The following NKPD1 variants were observed in gnomAD, a reference collection of about 807,000 sequenced individuals.
The protein encoded by NKPD1 is NTPase KAP family P-loop domain-containing protein 1.
Under a neutral mutation model 42.2 loss-of-function variants are expected in NKPD1, and 37 were observed. The observed-to-expected ratio is 0.88, with a 90% CI of 0.67 to 1.15. NKPD1 has a LOEUF of 1.15. Ranked by LOEUF, NKPD1 falls within the 50% of genes most tolerant of loss-of-function variation. NKPD1 has a pLI of 0.00. For missense variants in NKPD1, 1,113 were observed against 1,174.6 expected (o/e 0.95, Z 0.77); for synonymous variants, 552 against 536.5 (o/e 1.03, Z -0.40).
chr19:45,154,562 A>T (rs1225278408), intron 4 of NKPD1, among the ~76,000 whole-genome samples: 1 of 152,194 alleles, frequency 6.6e-6, no homozygotes, highest in East Asian at 1.9e-4. Context: ...GGACCCTGTG[A>T]CAACACAGGA....
upstream of NKPD1, among the ~76,000 whole-genome samples, chr19:45,161,900 A>G (rs943378279): frequency 1.3e-4 from 20 of 152,116 alleles, no homozygotes; most frequent in Non-Finnish European, 2.2e-4. Context: ...GACAAGATAA[A>G]GGGAACCCAC....
Position 45,152,580 on chromosome 19 carries a change from C to G in NKPD1, c.1857G>C (p.Val619=), listed in dbSNP as rs764912975. 3.2e-6 allele frequency: 5 copies of G among 1,586,236 alleles called. No individual in the cohort carries two copies. In the South Asian group the frequency reaches 5.6e-5, roughly 18 times the overall value. The change falls in exon 5 of 5, where the codon GTG becomes GTC. Residue 619 remains valine, a synonymous_variant. Coordinates refer to ENST00000686631, the MANE Select transcript of NKPD1 (RefSeq NM_198478.4). ...TGTTGACGATGCGCCGCATGGACAC[C>G]ACGTTGTCGGGCACGTACTCGTAGA... is the stretch of plus-strand genomic sequence containing the variant. The part of the protein sequence containing the change: ...DCLYEYVPDN[V]VSMRRIVNTV...
At chr19:45,156,596 C>T (rs919457997) in intron 3 of NKPD1, among the ~76,000 whole-genome samples, 27 of 152,208 alleles carry the variant, frequency 1.8e-4, no homozygotes, top group African/African-American at 6.0e-4. Flanking sequence ...TGGCCAGCGC[C>T]GGGCCCTTGG....
In NKPD1 at chr19:45,153,148, A is replaced by C; in HGVS notation, c.1289T>G (p.Val430Gly). 1.9e-6 allele frequency: 3 copies of C among 1,577,716 alleles called. No homozygotes were observed. The highest frequency in any genetic ancestry group is 2.6e-6 in the Non-Finnish European group (3 of 1,162,698). Reference sequence around the variant, plus strand: ...GGTGAGCAGCTCCACCTCCTTCTTCACCTCGCACATGAAACCCAGCTGGCT... The same window carrying C: ...GGTGAGCAGCTCCACCTCCTTCTTCCCCTCGCACATGAAACCCAGCTGGCT... ...FGSQLGFMCEVKKEVELLTDF... is the reference protein window; with the variant it reads ...FGSQLGFMCEGKKEVELLTDF... The change falls in exon 5 of 5, where the codon GTG becomes GGG. Residue 430 changes from valine (V) to glycine (G), a missense_variant. Transcript: ENST00000686631.
chr19:45,154,912 CT>C (rs1282645624), intron 4 of NKPD1, among the ~76,000 whole-genome samples: 1 of 151,616 alleles, frequency 6.6e-6, no homozygotes, highest in Non-Finnish European at 1.5e-5. Context: ...GTAGTCCCAG[CT>C]ACTTGGGAGG....
At position 45,158,799 on chromosome 19, in the gene NKPD1, G is replaced by A; in HGVS notation, c.393C>T (p.Thr131=). 7.9e-7 allele frequency: 1 copy of A among 1,260,568 alleles called. No individual in the cohort carries two copies. The highest frequency in any genetic ancestry group is 1.0e-6 in the Non-Finnish European group (1 of 969,224). 78.1% of individuals were successfully genotyped at this position (1,260,568 alleles called of 1,614,324 possible). A position where few individuals can be genotyped will look rare whatever the true frequency, so the allele number is the denominator to read the frequency against. ...ASAPQAPTLP[T]TAPAMARSGP... is the part of the protein sequence containing the mutation. The stretch of plus-strand genomic sequence containing the variant: ...CACTCCTGGCCATGGCTGGTGCCGT[G>A]GTGGGTAAGGTGGGCGCCTGAGGGG... The change falls in exon 3 of 5, where the codon ACC becomes ACT. Residue 131 remains threonine (T), a synonymous_variant. Transcript: ENST00000686631. This position sits in a 1 kb window ranked among gnomAD's most constrained non-coding sequence, Gnocchi z 4.6.
chr19:45,161,797 G>A (rs540650248), upstream of NKPD1, among the ~76,000 whole-genome samples: 3 of 152,246 alleles, frequency 2.0e-5, no homozygotes, highest in African/African-American at 4.8e-5. Flanking sequence ...CCGGCTCCCT[G>A]TGGCTGCTGG....
chr19:45,151,976 G>C lies in NKPD1; in HGVS notation c.2461C>G (p.Leu821Val). ...RGKLWPVACA[L>V]FRPGQSSPGG... ...GGGCTGGATTGCCCTGGACGGAAGAGCGCACAGGCCACCGGCCATAGCTTG... is the reference window on the plus strand; with the variant it reads ...GGGCTGGATTGCCCTGGACGGAAGACCGCACAGGCCACCGGCCATAGCTTG... The change falls in exon 5 of 5, where the codon CTC (leucine) becomes GTC (valine). Residue 821 changes from leucine (L) to valine (V), a missense_variant. By Grantham distance (32) the Leu-to-Val change is conservative (BLOSUM62 1). Coordinates refer to ENST00000686631, the MANE Select transcript of NKPD1 (RefSeq NM_198478.4). 6.3e-7 allele frequency: 1 copy of C among 1,599,896 alleles called. No homozygotes were observed.
chr19:45,159,947 T>C (rs990022556), intron 2 of NKPD1, 113 bp downstream of exon 2: 3 of 472,164 alleles, frequency 6.4e-6, no homozygotes, highest in African/African-American at 4.2e-5. Flanking sequence ...CTGGGTGGAG[T>C]GCAAGTGGCT....
In NKPD1 at chr19:45,153,072, C is replaced by A; in HGVS notation, c.1365G>T (p.Val455=). 1 of 1,578,872 alleles carries A rather than the reference C, an allele frequency of 6.3e-7. No homozygotes were observed. The highest frequency in any genetic ancestry group is 1.8e-5 in the Admixed American group (1 of 54,952). ...ACGTGTCCAGCCCGGTGACCTCCAG[C>A]ACCACGCGCAGCCTGCGCCGCTGGT... ...EIYQRRRLRV[V]LEVTGLDTCY... The change falls in exon 5 of 5, where the codon GTG becomes GTT. Residue 455 remains valine (V), a synonymous_variant. Coordinates refer to ENST00000686631, the MANE Select transcript of NKPD1 (RefSeq NM_198478.4).
Position 45,152,845 on chromosome 19 carries a change from A to G in NKPD1, c.1592T>C (p.Ile531Thr). The part of the protein sequence containing the change: ...RTVTLPFSVP[I>T]MGRRTKLQFL... ...CTGCAGCTTGGTGCGGCGGCCCATA[A>G]TGGGCACAGAGAAGGGCAGCGTGAC... The change falls in exon 5 of 5, where the codon ATT becomes ACT. Residue 531 changes from isoleucine to threonine, a missense_variant. Transcript: ENST00000686631. 6.3e-7 allele frequency: 1 copy of G among 1,593,990 alleles called. No homozygotes were observed. Among genetic ancestry groups the G allele is most frequent in the Non-Finnish European group, 8.6e-7 (1 of 1,167,644 alleles).
chr19:45,152,195 G>T lies in NKPD1; in HGVS notation c.2242C>A (p.His748Asn). ...SLLRCTVNLD[H>N]SIRRRMGLIR... ...AGACCCATGCGCCGGCGGATGGAGTGGTCCAGGTTGACCGTGCAGCGCAGC... is the reference window on the plus strand; with the variant it reads ...AGACCCATGCGCCGGCGGATGGAGTTGTCCAGGTTGACCGTGCAGCGCAGC... The change falls in exon 5 of 5, where the codon CAC becomes AAC. Residue 748 changes from histidine (H) to asparagine (N), a missense_variant. Physicochemically the swap from His to Asn is moderately conservative, Grantham distance 68 (BLOSUM62 1). This residue lies in a region of NKPD1 where 867 missense variants were observed against 870.1 expected (regional missense o/e 1.00). Coordinates refer to ENST00000686631, the MANE Select transcript of NKPD1 (RefSeq NM_198478.4). 1 of 1,596,720 alleles carries T rather than the reference G, an allele frequency of 6.3e-7. No homozygotes were observed. The highest frequency in any genetic ancestry group is 8.5e-7 in the Non-Finnish European group (1 of 1,173,228).
Position 45,152,269 on chromosome 19 carries a change from C to A in NKPD1, c.2168G>T (p.Arg723Leu). ...GAAGGGGAAGTCGGCGCCCAGGAAG[C>A]GCTCGAAGAGCTCGGGGTCGCCGTC... is the stretch of plus-strand genomic sequence containing the variant. ...DLDGDPELFERFLGADFPFTV... is the reference protein window; with the variant it reads ...DLDGDPELFELFLGADFPFTV... Residue 723 changes from arginine to leucine, a missense_variant, in exon 5 of 5, where the codon CGC becomes CTC. Coordinates refer to ENST00000686631, the MANE Select transcript of NKPD1 (RefSeq NM_198478.4). The A allele has an allele frequency of 8.1e-6, 13 of 1,609,828 alleles. No homozygotes were observed. The highest frequency in any genetic ancestry group is 1.1e-5 in the Non-Finnish European group (13 of 1,178,682).
At chr19:45,161,166 C>T (rs557034337), upstream of NKPD1, among the ~76,000 whole-genome samples, 4 of 152,314 alleles carry the variant, frequency 2.6e-5, no homozygotes, top group East Asian at 7.7e-4. Context: ...GGAGATGCAT[C>T]CCGCAGCACT....
chr19:45,158,742 G>T lies in NKPD1; in HGVS notation c.450C>A (p.Leu150=). The change falls in exon 3 of 5, where the codon CTC becomes CTA. Residue 150 remains leucine, a synonymous_variant. Coordinates refer to ENST00000686631, the MANE Select transcript of NKPD1 (RefSeq NM_198478.4). The surrounding 1 kb of genome is among the most constrained non-coding windows in gnomAD (Gnocchi z 4.6). ...CATCAGTGGGCTCGCTGGGCTTCAGGAGGACGCCAGCCGCGGAGGGTAGAG... is the reference window on the plus strand; with the variant it reads ...CATCAGTGGGCTCGCTGGGCTTCAGTAGGACGCCAGCCGCGGAGGGTAGAG... ...GPALPSAAGV[L]LKPSEPTDAR... 8.3e-7 allele frequency: 1 copy of T among 1,210,794 alleles called. No individual in the cohort carries two copies. Among genetic ancestry groups the T allele is most frequent in the Non-Finnish European group, 1.1e-6 (1 of 946,478 alleles). 75.0% of individuals were successfully genotyped at this position (1,210,794 alleles called of 1,614,324 possible).
Position 45,160,346 on chromosome 19 carries a change from C to G in NKPD1, c.-71-125G>C, listed in dbSNP as rs550548703. ...ACTTGGGAGAAGGGGGTAGAGGTGGCCTTCAGGGTACAGTGAGGGGCAGGA... is the reference window on the plus strand; with the variant it reads ...ACTTGGGAGAAGGGGGTAGAGGTGGGCTTCAGGGTACAGTGAGGGGCAGGA... On this transcript the variant is annotated intron_variant, in intron 1 of 4. Coordinates refer to ENST00000686631, the MANE Select transcript of NKPD1 (RefSeq NM_198478.4). 3.9e-5 allele frequency among the ~76,000 whole-genome samples: 6 copies of G among 152,196 alleles called. No homozygotes were observed. In the East Asian group the frequency reaches 1.2e-3, roughly 29 times the overall value.
chr19:45,159,534 TG>T (rs34916791), intron 2 of NKPD1, among the ~76,000 whole-genome samples: 1 of 150,988 alleles, frequency 6.6e-6, no homozygotes, highest in Admixed American at 6.6e-5. Context: ...GGGATTTGGG[TG>T]GGGGGTGGAC....
chr19:45,158,821 G>C lies in NKPD1; in HGVS notation c.371C>G (p.Pro124Arg). 7.8e-7 allele frequency: 1 copy of C among 1,276,444 alleles called. No homozygotes were observed. The highest frequency in any genetic ancestry group is 1.0e-6 in the Non-Finnish European group (1 of 975,388). 79.1% of individuals were successfully genotyped at this position (1,276,444 alleles called of 1,614,324 possible). The stretch of plus-strand genomic sequence containing the variant: ...CGTGGTGGGTAAGGTGGGCGCCTGA[G>C]GGGCGCTGGCAGGTTCCTTGGGGAC... The part of the protein sequence containing the change: ...STVPKEPASA[P>R]QAPTLPTTAP... The change falls in exon 3 of 5, where the codon CCT becomes CGT. Residue 124 changes from proline (P) to arginine (R), a missense_variant. Physicochemically the swap from Pro to Arg is moderately radical, Grantham distance 103 (BLOSUM62 -2). Coordinates refer to ENST00000686631, the MANE Select transcript of NKPD1 (RefSeq NM_198478.4). The surrounding 1 kb of genome is among the most constrained non-coding windows in gnomAD (Gnocchi z 4.6).
rs770267071 is a variant in NKPD1 at position 45,159,114 on chromosome 19, A to T, written c.92-14T>A. The stretch of plus-strand genomic sequence containing the variant: ...GATGACAGCATCCTGGAAGGAAGGA[A>T]GTGGGGGTGACTGGGCCTGTGTCCC... On this transcript the variant is annotated splice_polypyrimidine_tract_variant and intron_variant, in intron 2 of 4. Transcript: ENST00000686631. 2.4e-6 allele frequency: 3 copies of T among 1,269,666 alleles called. No homozygotes were observed. The highest frequency in any genetic ancestry group is 3.1e-6 in the Non-Finnish European group (3 of 980,594). The allele number at this position is 1,269,666 out of a possible 1,614,324, so 78.7% of individuals were successfully genotyped here.
Sources: gnomAD v4.1 joint callset for allele counts (sites outside exome capture counted in the v4.1 genomes callset) on GRCh38, gnomAD v4.1.1 for gene constraint, gnomAD v4.1.1 regional missense constraint, Gnocchi (gnomAD v3.1) non-coding constraint, MANE v1.5 for transcripts, NCBI Gene and HGNC (gene_info 2026-07-23, HGNC 2026-07-21) for gene names.